Variants in PSD3 observed in about 807,000 individuals in gnomAD.
The protein encoded by PSD3 is pleckstrin and Sec7 domain containing 3.
In PSD3, 49 loss-of-function variants were observed where a neutral mutation model predicts 105.5. The observed-to-expected ratio is 0.46, with a 90% CI of 0.37 to 0.59. The LOEUF is 0.59. Ranked by LOEUF, PSD3 falls within the 20% of genes least tolerant of loss-of-function variation. PSD3 has a pLI of 0.00. For missense variants in PSD3, 1,561 were observed against 1,263.8 expected, an observed-to-expected ratio of 1.24 and a Z score of -3.57; for synonymous variants, 557 against 457.8, an observed-to-expected ratio of 1.22 and a Z score of -2.77.
At chr8:18,739,321 G>A (rs969827742) in intron 9 of PSD3, among the ~76,000 whole-genome samples, 1 of 152,106 alleles carries the variant, frequency 6.6e-6, no homozygotes, top group African/African-American at 2.4e-5. Context: ...AAAAATAGGT[G>A]TTCCCATACT....
At chr8:18,594,513 A>G (rs1803948148) in intron 12 of PSD3, among the ~76,000 whole-genome samples, 1 of 144,278 alleles carries the variant, frequency 6.9e-6, no homozygotes, top group East Asian at 2.0e-4. Context: ...ACGAAAGTTG[A>G]GAGAGTTCAT....
chr8:18,957,886 G>C (rs986035300), intron 1 of PSD3, among the ~76,000 whole-genome samples: 2 of 152,152 alleles, frequency 1.3e-5, no homozygotes. Context: ...ATGAGTCTTG[G>C]CCAGAACACT....
chr8:18,925,312 T>A (rs907892754), intron 2 of PSD3, among the ~76,000 whole-genome samples: 1 of 152,084 alleles, frequency 6.6e-6, no homozygotes, highest in African/African-American at 2.4e-5. Context: ...GGAGGCTCAC[T>A]TGAGCCCAGG....
At chr8:19,013,065 T>A (rs1178948645) in intron 1 of PSD3, among the ~76,000 whole-genome samples, 1 of 152,050 alleles carries the variant, frequency 6.6e-6, no homozygotes. Context: ...AAACGGCGGA[T>A]AAAGTTAAAT....
intron 10 of PSD3, among the ~76,000 whole-genome samples, chr8:18,640,517 G>C (rs538126839): frequency 1.3e-5 from 2 of 152,186 alleles, no homozygotes; most frequent in South Asian, 4.2e-4. Flanking sequence ...GTTTTATAAG[G>C]CCCTTCACCT....
rs541517251 is a variant in PSD3 at position 18,907,847 on chromosome 8, T to A, written c.130+28187A>T. Among the ~76,000 whole-genome samples, 4 of 152,356 alleles carry A rather than the reference T, an allele frequency of 2.6e-5. No individual in the cohort carries two copies. In the South Asian group the frequency reaches 8.3e-4, roughly 32 times the overall value. On this transcript the variant is annotated intron_variant, in intron 2 of 15. Transcript: ENST00000327040. ...GATACATAGTTGCCGCATTTCAATT[T>A]CCTTTCATTTAAACTTTTTTCAATA...
chr8:18,646,165 T>G (rs1808020353), intron 10 of PSD3, among the ~76,000 whole-genome samples: 1 of 152,134 alleles, frequency 6.6e-6, no homozygotes, highest in Non-Finnish European at 1.5e-5. Flanking sequence ...TTGTTAGTAA[T>G]GATTGCCAAC....
intron 4 of PSD3, among the ~76,000 whole-genome samples, chr8:18,861,100 G>A (rs1227190606): frequency 6.6e-6 from 1 of 152,132 alleles, no homozygotes; most frequent in Non-Finnish European, 1.5e-5. Context: ...ATTTATAAAA[G>A]AGGCACCAAA....
intron 4 of PSD3, among the ~76,000 whole-genome samples, chr8:18,851,956 T>C (rs563948624): frequency 6.6e-5 from 10 of 152,336 alleles, no homozygotes; most frequent in Admixed American, 5.2e-4. Context: ...GATGACAGTC[T>C]ACACTGGAAA....
chr8:18,971,942 T>A (rs1335833378), intron 1 of PSD3, among the ~76,000 whole-genome samples: 4 of 151,876 alleles, frequency 2.6e-5, no homozygotes, highest in Admixed American at 1.3e-4. Context: ...GAGGCAGAGG[T>A]TGCAGTGAGC....
chr8:18,687,289 A>C (rs1257959488), intron 9 of PSD3, among the ~76,000 whole-genome samples: 7 of 152,048 alleles, frequency 4.6e-5, no homozygotes, highest in African/African-American at 1.7e-4. Context: ...AACAGTGAAA[A>C]ACCCATCTCT....
At chr8:18,829,240 A>G (rs1482829595) in intron 4 of PSD3, among the ~76,000 whole-genome samples, 1 of 152,180 alleles carries the variant, frequency 6.6e-6, no homozygotes, top group Non-Finnish European at 1.5e-5. Flanking sequence ...CCCTGTCTCC[A>G]AGAAAATTTT....
At chr8:19,014,482 C>G (rs73594633), upstream of PSD3, 18,899 of 152,296 alleles carry the variant, frequency 0.12, 1,563 homozygotes, top group African/African-American at 0.23. The surrounding 1 kb of genome is among the most constrained non-coding windows in gnomAD (Gnocchi z 4.9). Flanking sequence ...TGATCTGTGC[C>G]GCAGAGGCAA....
At chr8:18,927,127 T>C (rs934926991) in intron 2 of PSD3, among the ~76,000 whole-genome samples, 2 of 152,176 alleles carry the variant, frequency 1.3e-5, no homozygotes, top group African/African-American at 4.8e-5. Flanking sequence ...GGCACGGAAC[T>C]TCCAAGCCCT....
chr8:18,615,489 C>T (rs917732629), intron 11 of PSD3, among the ~76,000 whole-genome samples: 5 of 152,180 alleles, frequency 3.3e-5, no homozygotes, highest in South Asian at 2.1e-4. Flanking sequence ...ATAGAAGTAA[C>T]GTGTCTTGCT....
intron 1 of PSD3, among the ~76,000 whole-genome samples, chr8:19,059,022 G>T (rs1828801103): frequency 6.6e-6 from 1 of 152,224 alleles, no homozygotes; most frequent in South Asian, 2.1e-4. Context: ...CCACAGGAAA[G>T]ATTGACTGTC....
At chr8:18,703,174 C>T (rs567620531) in intron 9 of PSD3, among the ~76,000 whole-genome samples, 1 of 152,116 alleles carries the variant, frequency 6.6e-6, no homozygotes, top group Non-Finnish European at 1.5e-5. Context: ...CCAGCAGATG[C>T]CACTGCCTCG....
intron 15 of PSD3, among the ~76,000 whole-genome samples, chr8:18,552,548 A>C (rs774815697): frequency 5.3e-5 from 8 of 152,210 alleles, no homozygotes; most frequent in Non-Finnish European, 1.0e-4. Context: ...GAGCCTTGTA[A>C]ACTTTTACAT....
intron 1 of PSD3, among the ~76,000 whole-genome samples, chr8:18,959,538 A>T (rs1823785324): frequency 6.6e-6 from 1 of 152,108 alleles, no homozygotes; most frequent in East Asian, 1.9e-4. Flanking sequence ...CACGACACTA[A>T]GCAACGGTGC....
Sources: gnomAD v4.1 joint callset for allele counts (sites outside exome capture counted in the v4.1 genomes callset) on GRCh38, gnomAD v4.1.1 for gene constraint, Gnocchi (gnomAD v3.1) non-coding constraint, MANE v1.5 for transcripts, NCBI Gene and HGNC (gene_info 2026-07-23, HGNC 2026-07-21) for gene names.